ZFHX3: variants seen among roughly 807,000 people sequenced by gnomAD.
The protein encoded by ZFHX3 is zinc finger homeobox protein 3.
A neutral mutation model predicts 279.1 loss-of-function variants in ZFHX3; 42 were observed. The ratio of observed to expected loss-of-function variants is 0.15; its 90% confidence interval spans 0.12 to 0.19. ZFHX3 has a LOEUF of 0.19. Among genes scored for constraint, ZFHX3 ranks in the 10% least tolerant of loss-of-function variants. ZFHX3 has a pLI of 1.00. For missense variants in ZFHX3, 4,981 were observed against 4,754.0 expected (o/e 1.05, Z -1.40); for synonymous variants, 2,293 against 1,957.8 (o/e 1.17, Z -4.52).
chr16:73,361,762 G>C (rs2016437156), intron 3 of ZFHX3, among the ~76,000 whole-genome samples: 1 of 152,128 alleles, frequency 6.6e-6, no homozygotes, highest in Non-Finnish European at 1.5e-5. Context: ...TAATATATCA[G>C]TTTTTGAGAT....
intron 3 of ZFHX3, among the ~76,000 whole-genome samples, chr16:73,357,253 G>A (rs1597299256): frequency 1.3e-5 from 2 of 151,952 alleles, no homozygotes; most frequent in South Asian, 2.1e-4. Context: ...TTTGTTACTC[G>A]ACTGAAAATT....
At chr16:73,188,591 T>A (rs1967964846) in intron 5 of ZFHX3, among the ~76,000 whole-genome samples, 1 of 152,214 alleles carries the variant, frequency 6.6e-6, no homozygotes. Flanking sequence ...GACTAAACTA[T>A]TGTGAAGTCA....
At chr16:73,483,046 G>T (rs2018898171) in intron 2 of ZFHX3, among the ~76,000 whole-genome samples, 1 of 152,056 alleles carries the variant, frequency 6.6e-6, no homozygotes, top group South Asian at 2.1e-4. Flanking sequence ...CTTTTCCTCC[G>T]CTCCCTCTTC....
chr16:73,751,811 T>C (rs2053764834), intron 1 of ZFHX3, among the ~76,000 whole-genome samples: 1 of 152,132 alleles, frequency 6.6e-6, no homozygotes. Flanking sequence ...AGATCCAGCC[T>C]CCCTTGTATC....
intron 5 of ZFHX3, among the ~76,000 whole-genome samples, chr16:73,228,437 C>G (rs2012671482): frequency 6.6e-6 from 1 of 152,162 alleles, no homozygotes; most frequent in Non-Finnish European, 1.5e-5. Context: ...CCCAGGTGGG[C>G]AGATCATTCT....
intron 1 of ZFHX3, among the ~76,000 whole-genome samples, chr16:73,793,870 C>T (rs1161596624): frequency 6.6e-6 from 1 of 152,038 alleles, no homozygotes; most frequent in Non-Finnish European, 1.5e-5. Context: ...ACTCTGAACG[C>T]ATTCTTAATT....
intron 2 of ZFHX3, among the ~76,000 whole-genome samples, chr16:73,568,470 C>T (rs2020480674): frequency 6.6e-6 from 1 of 152,238 alleles, no homozygotes; most frequent in Non-Finnish European, 1.5e-5. Flanking sequence ...GGTGATTTGC[C>T]AAACAGACCA....
intron 2 of ZFHX3, among the ~76,000 whole-genome samples, chr16:73,502,400 C>A (rs2019255113): frequency 1.3e-5 from 2 of 152,202 alleles, no homozygotes; most frequent in South Asian, 2.1e-4. Flanking sequence ...TAACTCCTTG[C>A]CCCAGTAATT....
At chr16:73,030,531 C>T (rs971707115) in intron 1 of ZFHX3, among the ~76,000 whole-genome samples, 2 of 151,974 alleles carry the variant, frequency 1.3e-5, no homozygotes, top group African/African-American at 2.4e-5. Flanking sequence ...TCAATAGAGC[C>T]GGGGTTATAT....
chr16:72,874,863 T>A (rs2038269297), intron 4 of ZFHX3, among the ~76,000 whole-genome samples: 1 of 152,100 alleles, frequency 6.6e-6, no homozygotes, highest in South Asian at 2.1e-4. Context: ...AACAAAAGAA[T>A]AACCTTTTTT....
chr16:73,669,548 C>T (rs762028057), intron 2 of ZFHX3, among the ~76,000 whole-genome samples: 2 of 152,176 alleles, frequency 1.3e-5, no homozygotes, highest in Non-Finnish European at 2.9e-5. Context: ...TGAAAAGAAG[C>T]CAACCACCTG....
intron 5 of ZFHX3, among the ~76,000 whole-genome samples, chr16:73,235,113 A>G (rs193215780): frequency 6.6e-6 from 1 of 152,214 alleles, no homozygotes; most frequent in Non-Finnish European, 1.5e-5. Flanking sequence ...TCTATCAACC[A>G]GGCTGGAGTG....
At chr16:73,778,350 A>T (rs1413949617) in intron 1 of ZFHX3, among the ~76,000 whole-genome samples, 1 of 151,976 alleles carries the variant, frequency 6.6e-6, no homozygotes, top group Admixed American at 6.6e-5. Context: ...TTGATCACCA[A>T]GTGACAAGTT....
intron 5 of ZFHX3, among the ~76,000 whole-genome samples, chr16:73,173,367 C>T (rs1266068291): frequency 6.9e-6 from 1 of 143,980 alleles, no homozygotes; most frequent in African/African-American, 2.5e-5. Flanking sequence ...TATTTTCCCC[C>T]CGCCCCTCCC....
At chr16:73,489,599 T>G (rs1293046799) in intron 2 of ZFHX3, among the ~76,000 whole-genome samples, 1 of 152,240 alleles carries the variant, frequency 6.6e-6, no homozygotes, top group Non-Finnish European at 1.5e-5. Flanking sequence ...ATAACTTGCT[T>G]ACTTTAAGCA....
At chr16:73,597,701 T>C (rs1432217763) in intron 2 of ZFHX3, among the ~76,000 whole-genome samples, 4 of 152,036 alleles carry the variant, frequency 2.6e-5, no homozygotes, top group Admixed American at 6.5e-5. Flanking sequence ...GGGACAAGCA[T>C]GGAACAGACT....
At chr16:73,256,281 G>C (rs977477700) in intron 5 of ZFHX3, among the ~76,000 whole-genome samples, 1 of 152,070 alleles carries the variant, frequency 6.6e-6, no homozygotes, top group South Asian at 2.1e-4. Context: ...GAATCAAAAG[G>C]TAATACAGCC....
At chr16:73,395,215 A>G (rs569310650) in intron 3 of ZFHX3, among the ~76,000 whole-genome samples, 2 of 152,344 alleles carry the variant, frequency 1.3e-5, no homozygotes, top group South Asian at 4.1e-4. Flanking sequence ...CTGTAATCCC[A>G]GCACTTTGGG....
At chr16:73,512,641 T>G (rs1012660421) in intron 2 of ZFHX3, among the ~76,000 whole-genome samples, 1 of 152,200 alleles carries the variant, frequency 6.6e-6, no homozygotes, top group Non-Finnish European at 1.5e-5. Context: ...CAGGGTTTGA[T>G]GGTCTGGCAA....
Sources: gnomAD v4.1 joint callset for allele counts (sites outside exome capture counted in the v4.1 genomes callset) on GRCh38, gnomAD v4.1.1 for gene constraint, MANE v1.5 for transcripts, NCBI Gene and HGNC (gene_info 2026-07-23, HGNC 2026-07-21) for gene names.